The following LPIN2 variants were observed in gnomAD, a reference collection of about 807,000 sequenced individuals.
The protein encoded by LPIN2 is phosphatidate phosphatase LPIN2.
Under a neutral mutation model 111.4 loss-of-function variants are expected in LPIN2, and 55 were observed. The observed-to-expected ratio is 0.49, with a 90% CI of 0.40 to 0.62. LPIN2 has a LOEUF of 0.62. LPIN2 is among the 20% of genes least tolerant of loss of function. The pLI is 0.00. For synonymous variants in LPIN2, 425 were observed against 414.0 expected (o/e 1.03, Z -0.32); for missense variants, 992 against 1,112.1 (o/e 0.89, Z 1.54).
chr18:2,982,994 G>A (rs1480675598), intron 1 of LPIN2: 1 of 325,250 alleles, frequency 3.1e-6, no homozygotes, highest in Non-Finnish European at 6.1e-6. Context: ...AGATAAGCAG[G>A]GGCATGGGAC....
intron 12 of LPIN2, 141 bp downstream of exon 12, chr18:2,927,580 TA>T: frequency 1.3e-6 from 1 of 799,756 alleles, no homozygotes; most frequent in Non-Finnish European, 2.1e-6. Flanking sequence ...CTGCACGTCC[TA>T]AGTGCTCAAA....
intron 1 of LPIN2, among the ~76,000 whole-genome samples, chr18:2,968,150 C>T (rs1224898588): frequency 1.3e-5 from 2 of 152,188 alleles, no homozygotes; most frequent in Admixed American, 6.5e-5. Flanking sequence ...ATTTCTAGGA[C>T]GATTTAGTCC....
In LPIN2 at chr18:2,937,678, A is replaced by G. The variant is rs373003134; in HGVS notation, c.1168+14T>C. 1.2e-5 allele frequency: 20 copies of G among 1,610,902 alleles called. No homozygotes were observed. The highest frequency in any genetic ancestry group is 2.7e-5 in the African/African-American group (2 of 74,984). Reference sequence around the variant, plus strand: ...ATTTGAGAGTACCTGGAGCCAAATTAAACAAACGATTACCTTTCTTCTTTG... The same window carrying G: ...ATTTGAGAGTACCTGGAGCCAAATTGAACAAACGATTACCTTTCTTCTTTG... On this transcript the variant is annotated intron_variant, in intron 7 of 19. Transcript: ENST00000677752.
chr18:2,977,674 C>T (rs112389910), intron 1 of LPIN2, among the ~76,000 whole-genome samples: 1,549 of 152,190 alleles, frequency 0.01, 24 homozygotes, highest in African/African-American at 0.035. Flanking sequence ...ACAGGACAAT[C>T]TGAGCAACAA....
intron 2 of LPIN2, among the ~76,000 whole-genome samples, chr18:2,955,013 T>C (rs567090399): frequency 6.6e-6 from 1 of 152,248 alleles, no homozygotes; most frequent in South Asian, 2.1e-4. Context: ...CAAGTACAAC[T>C]TCACCGACAG....
At chr18:2,982,418 A>G (rs1037559500) in intron 1 of LPIN2, among the ~76,000 whole-genome samples, 14 of 152,210 alleles carry the variant, frequency 9.2e-5, no homozygotes, top group Non-Finnish European at 2.9e-5. Context: ...CTAGGAAAAA[A>G]AAGTCTTTTG....
At chr18:3,012,072 T>C (rs2078613424) in intron 1 of LPIN2, 1 of 152,234 alleles carries the variant, frequency 6.6e-6, no homozygotes, top group Admixed American at 6.5e-5. Flanking sequence ...CAAAACATTA[T>C]AATCTAGCCA....
intron 4 of LPIN2, 114 bp downstream of exon 4, chr18:2,950,941 G>C: frequency 9.1e-7 from 1 of 1,100,732 alleles, no homozygotes; most frequent in Non-Finnish European, 1.4e-6. Context: ...AAACTGTAAA[G>C]GGGGAAAACA....
intron 1 of LPIN2, 76 bp downstream of exon 1, chr18:3,013,011 G>A (rs998098747): frequency 1.3e-5 from 2 of 150,858 alleles, no homozygotes; most frequent in African/African-American, 4.8e-5. Flanking sequence ...CCGCGCCAAG[G>A]GAAGCCCCCA....
chr18:2,972,094 G>A (rs2077927299), intron 1 of LPIN2, among the ~76,000 whole-genome samples: 1 of 152,058 alleles, frequency 6.6e-6, no homozygotes, highest in Non-Finnish European at 1.5e-5. Context: ...AGAAATCCAT[G>A]GTGGAAGTTA....
intron 6 of LPIN2, among the ~76,000 whole-genome samples, chr18:2,938,490 T>C (rs1458304859): frequency 6.6e-6 from 1 of 152,112 alleles, no homozygotes; most frequent in Non-Finnish European, 1.5e-5. Context: ...CACCACTGCA[T>C]TCCAGCCTAG....
chr18:2,940,197 C>T (rs756749369), intron 5 of LPIN2, among the ~76,000 whole-genome samples: 1 of 152,140 alleles, frequency 6.6e-6, no homozygotes, highest in Non-Finnish European at 1.5e-5. Flanking sequence ...CACAGTGGTG[C>T]GTGCCTGTAG....
At chr18:2,974,497 A>T (rs1248364475) in intron 1 of LPIN2, among the ~76,000 whole-genome samples, 1 of 152,216 alleles carries the variant, frequency 6.6e-6, no homozygotes, top group East Asian at 1.9e-4. Context: ...CACATGTGGG[A>T]TTTGCTTAAA....
At chr18:2,944,757 G>A (rs1220832697) in intron 4 of LPIN2, among the ~76,000 whole-genome samples, 2 of 152,132 alleles carry the variant, frequency 1.3e-5, no homozygotes, top group Admixed American at 1.3e-4. Context: ...GGCTTAGTCT[G>A]TAAATCAGTA....
chr18:3,004,059 C>T lies in LPIN2; in HGVS notation c.-10+9028G>A, dbSNP rs149784598. 2.4e-3 allele frequency among the ~76,000 whole-genome samples: 364 copies of T among 152,262 alleles called. 2 individuals are homozygous for T. The highest frequency in any genetic ancestry group is 0.024 in the Middle Eastern group (7 of 294). Reference sequence around the variant, plus strand: ...AAATACGCCCTGGTCTCCTACAGTACCCTCAGGCTTACTAGGATTGGGAAA... The same window carrying T: ...AAATACGCCCTGGTCTCCTACAGTATCCTCAGGCTTACTAGGATTGGGAAA... On this transcript the variant is annotated intron_variant, in intron 1 of 19. Transcript: ENST00000677752.
rs1224779773 is a variant in LPIN2, at chr18:2,958,141, C to CAAAAAAAAAAAAAAAAAAAAAAAAAAAAA, written c.192+2507_192+2508insTTTTTTTTTTTTTTTTTTTTTTTTTTTTT. 6.7e-4 allele frequency among the ~76,000 whole-genome samples: 8 copies of CAAAAAAAAAAAAAAAAAAAAAAAAAAAAA among 11,944 alleles called. 1 individual carries two copies. The highest frequency in any genetic ancestry group is 1.5e-3 in the Admixed American group (1 of 654). The allele number at this position is 11,944 out of a possible 152,430, so 7.8% of individuals were successfully genotyped here. A position where few individuals can be genotyped will look rare whatever the true frequency, so the allele number is the denominator to read the frequency against. ...TGGGCGACAAAGCGAGACTCCATCT[C>CAAAAAAAAAAAAAAAAAAAAAAAAAAAAA]AAAAAAAAAAAAAAAACAACAAAAA... On this transcript the variant is annotated intron_variant, in intron 2 of 19. Transcript: ENST00000677752.
In LPIN2 at chr18:2,939,525, C is replaced by A. The variant is rs772512144; in HGVS notation, c.777G>T (p.Glu259Asp). Residue 259 changes from glutamate (E) to aspartate (D), a missense_variant, in exon 6 of 20, where the codon GAG (glutamate) becomes GAT (aspartate). Coordinates refer to ENST00000677752, the MANE Select transcript of LPIN2 (RefSeq NM_001375808.2). ...VKPAESLLRS[E>D]SHMEWTWGGF... ...CGCCCCACGTCCACTCCATGTGAGA[C>A]TCTGATCTGAGCAGGCTCTCCGCAG... 21 of 1,613,956 alleles carry A rather than the reference C, an allele frequency of 1.3e-5. No homozygotes were observed. Among genetic ancestry groups the A allele is most frequent in the Non-Finnish European group, 1.7e-5 (20 of 1,179,956 alleles).
intron 1 of LPIN2, among the ~76,000 whole-genome samples, chr18:3,002,042 A>C (rs146992772): frequency 3.3e-4 from 51 of 152,284 alleles, no homozygotes; most frequent in African/African-American, 1.1e-3. Context: ...CAAAACAAAC[A>C]AACCAGGAAA....
At chr18:2,923,731 G>T in intron 16 of LPIN2, 44 bp downstream of exon 16, 1 of 1,513,078 alleles carries the variant, frequency 6.6e-7, no homozygotes, top group Non-Finnish European at 9.2e-7. Flanking sequence ...CTTAAAGCAA[G>T]CTTCCAGCTC....
Sources: gnomAD v4.1 joint callset for allele counts (sites outside exome capture counted in the v4.1 genomes callset) on GRCh38, gnomAD v4.1.1 for gene constraint, MANE v1.5 for transcripts, NCBI Gene and HGNC (gene_info 2026-07-23, HGNC 2026-07-21) for gene names.